The following AGAP1 variants were observed in gnomAD, a reference collection of about 807,000 sequenced individuals.
The protein encoded by AGAP1 is ArfGAP with GTPase domain, ankyrin repeat and PH domain 1.
A neutral mutation model predicts 105.3 loss-of-function variants in AGAP1; 29 were observed. The ratio of observed to expected loss-of-function variants is 0.28; its 90% confidence interval spans 0.21 to 0.38. AGAP1 has a LOEUF of 0.38. Among genes scored for constraint, AGAP1 ranks in the 10% least tolerant of loss-of-function variants. The probability of loss-of-function intolerance (pLI) is 1.00; values close to 1 mark genes in which losing one functional copy is unlikely to be tolerated. For synonymous variants in AGAP1, 509 were observed against 485.9 expected (o/e 1.05, Z -0.63); for missense variants, 998 against 1,165.1 (o/e 0.86, Z 2.09).
intron 1 of AGAP1, among the ~76,000 whole-genome samples, chr2:235,509,803 G>A (rs546678144): frequency 2.0e-5 from 3 of 152,168 alleles, no homozygotes; most frequent in Non-Finnish European, 4.4e-5. Flanking sequence ...CCATGGACCA[G>A]TACTGGGCCT....
intron 1 of AGAP1, among the ~76,000 whole-genome samples, chr2:235,661,869 G>T (rs1947968611): frequency 6.6e-6 from 1 of 152,198 alleles, no homozygotes; most frequent in African/African-American, 2.4e-5. Context: ...AGAGAAGGAG[G>T]CGCCAGGAGG....
In AGAP1 at chr2:235,877,651, G is replaced by T. The variant is rs2106594614; in HGVS notation, c.1051-5694G>T. On this transcript the variant is annotated intron_variant, in intron 9 of 17. Coordinates refer to ENST00000304032, the MANE Select transcript of AGAP1 (RefSeq NM_001037131.3). This position sits in a 1 kb window ranked among gnomAD's most constrained non-coding sequence, Gnocchi z 4.3. ...ACTCGGGCAGTGGAATCCAGTGGTG[G>T]TTTTGGATCACTTTTTAGATAGTGA... Among the ~76,000 whole-genome samples, 1 of 152,308 alleles carries T rather than the reference G, an allele frequency of 6.6e-6. No homozygotes were observed. Among genetic ancestry groups the T allele is most frequent in the African/African-American group, 2.4e-5 (1 of 41,562 alleles).
rs1450742720 is a variant in AGAP1, at chr2:236,005,783, G to A, written c.1646-30778G>A. On this transcript the variant is annotated intron_variant, in intron 13 of 17. Transcript: ENST00000304032. The surrounding 1 kb of genome is among the most constrained non-coding windows in gnomAD (Gnocchi z 4.1). ...CAAGTTTTGTGGAGAAGGACCACAG[G>A]GTGAAGTGCTATTTCCATCCTATCC... 6.6e-6 allele frequency among the ~76,000 whole-genome samples: 1 copy of A among 152,196 alleles called. No individual in the cohort carries two copies. The highest frequency in any genetic ancestry group is 6.5e-5 in the Admixed American group (1 of 15,282).
At chr2:235,634,142 A>G (rs2149292975) in intron 1 of AGAP1, among the ~76,000 whole-genome samples, 1 of 152,146 alleles carries the variant, frequency 6.6e-6, no homozygotes, top group South Asian at 2.1e-4. Flanking sequence ...TTCTCACTTG[A>G]TTTTCCCACA....
chr2:235,713,395 C>T (rs1950946684), intron 2 of AGAP1, among the ~76,000 whole-genome samples: 1 of 152,226 alleles, frequency 6.6e-6, no homozygotes, highest in African/African-American at 2.4e-5. Flanking sequence ...TGGCTTGAGC[C>T]TGGCTCTGAG....
intron 1 of AGAP1, among the ~76,000 whole-genome samples, chr2:235,694,096 C>T (rs1949876721): frequency 6.6e-6 from 1 of 152,102 alleles, no homozygotes; most frequent in African/African-American, 2.4e-5. Context: ...GTAATCCTAG[C>T]ACTTTGGGAG....
At chr2:235,802,983 A>ATGGTGATGATGGTTG (rs1559506278) in intron 8 of AGAP1, among the ~76,000 whole-genome samples, 9 of 130,570 alleles carry the variant, frequency 6.9e-5, no homozygotes, top group Non-Finnish European at 8.1e-5. Context: ...TGTGGTTGTG[A>ATGGTGATGATGGTTG]TGGTTGTGAT....
In AGAP1 at chr2:235,971,741, TTTTATTTATTTATTTATTTA is replaced by T. The variant is rs199729717; in HGVS notation, c.1645+3145_1645+3164del. On this transcript the variant is annotated intron_variant, in intron 13 of 17. Coordinates refer to ENST00000304032, the MANE Select transcript of AGAP1 (RefSeq NM_001037131.3). The surrounding 1 kb of genome is among the most constrained non-coding windows in gnomAD (Gnocchi z 4.8). ...ACTAAAGCTAGTTATATATGTTTTA[TTTTATTTATTTATTTATTTA>T]TTTATTTATTTATTTATTTATTTAT... 1.2e-4 allele frequency among the ~76,000 whole-genome samples: 17 copies of T among 145,678 alleles called. No individual in the cohort carries two copies. Among genetic ancestry groups the T allele is most frequent in the African/African-American group, 2.8e-4 (11 of 38,834 alleles).
Position 236,050,788 on chromosome 2 carries a change from A to T in AGAP1, c.2114+1507A>T, listed in dbSNP as rs1407297745. On this transcript the variant is annotated intron_variant, in intron 16 of 17. Transcript: ENST00000304032. This position sits in a 1 kb window ranked among gnomAD's most constrained non-coding sequence, Gnocchi z 4.0. Reference sequence around the variant, plus strand: ...ATTTTTAATATCATGAATTATTAGAAAAGTTTGTTTATCCATCCATTAAAA... The same window carrying T: ...ATTTTTAATATCATGAATTATTAGATAAGTTTGTTTATCCATCCATTAAAA... Among the ~76,000 whole-genome samples, 1 of 152,228 alleles carries T rather than the reference A, an allele frequency of 6.6e-6. No homozygotes were observed. Among genetic ancestry groups the T allele is most frequent in the East Asian group, 1.9e-4 (1 of 5,200 alleles).
rs149607356 is a variant in AGAP1, at chr2:235,866,152, C to T, written c.1051-17193C>T. Reference sequence around the variant, plus strand: ...GCAGCAGCATGCGATGCCCTGTGCGCATCTTTATTTTTGGTTTTAGATTTT... The same window carrying T: ...GCAGCAGCATGCGATGCCCTGTGCGTATCTTTATTTTTGGTTTTAGATTTT... On this transcript the variant is annotated intron_variant, in intron 9 of 17. Transcript: ENST00000304032. This position sits in a 1 kb window ranked among gnomAD's most constrained non-coding sequence, Gnocchi z 6.1. Among the ~76,000 whole-genome samples the T allele has an allele frequency of 6.6e-6, 1 of 152,256 alleles. No individual in the cohort carries two copies. The highest frequency in any genetic ancestry group is 1.5e-5 in the Non-Finnish European group (1 of 68,028).
In AGAP1 at chr2:235,752,639, G is replaced by A. The variant is rs781369424; in HGVS notation, c.673+2151G>A. Among the ~76,000 whole-genome samples the A allele has an allele frequency of 1.3e-5, 2 of 152,154 alleles. No individual in the cohort carries two copies. Among genetic ancestry groups the A allele is most frequent in the African/African-American group, 2.4e-5 (1 of 41,434 alleles). On this transcript the variant is annotated intron_variant, in intron 6 of 17. Transcript: ENST00000304032. The surrounding 1 kb of genome is among the most constrained non-coding windows in gnomAD (Gnocchi z 4.3). ...CCGTGCAGAGAGCTTGCCGGTCCCC[G>A]ATGCAGGATATCAGGGACTCAGTTG...
At position 236,003,418 on chromosome 2, in the gene AGAP1, C is replaced by A. The variant is rs1226554904; in HGVS notation, c.1646-33143C>A. 6.6e-6 allele frequency among the ~76,000 whole-genome samples: 1 copy of A among 152,154 alleles called. No individual in the cohort carries two copies. The highest frequency in any genetic ancestry group is 2.4e-5 in the African/African-American group (1 of 41,434). ...TCACGCAGCAGGGGAGGATGCTGGC[C>A]CACACCAAGGCACCAAGATTTTACC... is the stretch of plus-strand genomic sequence containing the variant. On this transcript the variant is annotated intron_variant, in intron 13 of 17. Transcript: ENST00000304032. The surrounding 1 kb of genome is among the most constrained non-coding windows in gnomAD (Gnocchi z 4.2).
At chr2:235,562,918 C>A (rs144681208) in intron 1 of AGAP1, among the ~76,000 whole-genome samples, 8 of 151,940 alleles carry the variant, frequency 5.3e-5, no homozygotes, top group Non-Finnish European at 1.0e-4. Flanking sequence ...AAAATTAGCC[C>A]GGCCGGTGGT....
intron 1 of AGAP1, among the ~76,000 whole-genome samples, chr2:235,562,277 A>G (rs1419747937): frequency 6.6e-6 from 1 of 152,110 alleles, no homozygotes; most frequent in Non-Finnish European, 1.5e-5. Flanking sequence ...TATGACTGCA[A>G]TCAAGTGATT....
intron 1 of AGAP1, among the ~76,000 whole-genome samples, chr2:235,544,043 C>T (rs1313670223): frequency 6.6e-6 from 1 of 152,198 alleles, no homozygotes; most frequent in Non-Finnish European, 1.5e-5. Context: ...TATTGAGTCA[C>T]CCCCTGCCCC....
At chr2:235,498,179 C>T (rs372182720) in intron 1 of AGAP1, among the ~76,000 whole-genome samples, 7 of 152,150 alleles carry the variant, frequency 4.6e-5, no homozygotes, top group East Asian at 1.9e-4. Flanking sequence ...AAAACACATC[C>T]GTAATCCTGT....
intron 1 of AGAP1, chr2:235,670,598 C>T (rs998265873): frequency 5.3e-6 from 3 of 564,036 alleles, no homozygotes; most frequent in African/African-American, 4.0e-5. Flanking sequence ...GCCGCAAGGC[C>T]GGACACTGGG....
In AGAP1 at chr2:235,799,238, C is replaced by A. The variant is rs1166780452; in HGVS notation, c.802-129C>A. 2.9e-6 allele frequency: 3 copies of A among 1,040,220 alleles called. No homozygotes were observed. In the Admixed American group the frequency reaches 7.1e-5, roughly 25 times the overall value. 64.4% of individuals were successfully genotyped at this position (1,040,220 alleles called of 1,614,324 possible). A position where few individuals can be genotyped will look rare whatever the true frequency, so the allele number is the denominator to read the frequency against. The stretch of plus-strand genomic sequence containing the variant: ...AATACACCTGGCAAAGCCATAGACG[C>A]AAGTCAGCCATTCCCATGCATCCCT... On this transcript the variant is annotated intron_variant, in intron 7 of 17. Coordinates refer to ENST00000304032, the MANE Select transcript of AGAP1 (RefSeq NM_001037131.3). This position sits in a 1 kb window ranked among gnomAD's most constrained non-coding sequence, Gnocchi z 5.0.
At chr2:236,103,757 T>A (rs985716429) in intron 16 of AGAP1, among the ~76,000 whole-genome samples, 1 of 152,058 alleles carries the variant, frequency 6.6e-6, no homozygotes, top group African/African-American at 2.4e-5. Flanking sequence ...TTAGTAGAGT[T>A]GGGGTTTCAC....
Sources: gnomAD v4.1 joint callset for allele counts (sites outside exome capture counted in the v4.1 genomes callset) on GRCh38, gnomAD v4.1.1 for gene constraint, Gnocchi (gnomAD v3.1) non-coding constraint, MANE v1.5 for transcripts, NCBI Gene and HGNC (gene_info 2026-07-23, HGNC 2026-07-21) for gene names.